The following TRHDE variants were observed in gnomAD, a reference collection of about 807,000 sequenced individuals.
TRHDE encodes thyrotropin-releasing hormone-degrading ectoenzyme.
Under a neutral mutation model 125.7 loss-of-function variants are expected in TRHDE, and 72 were observed. The ratio of observed to expected loss-of-function variants is 0.57; its 90% CI spans 0.47 to 0.70. The LOEUF is 0.70. TRHDE is among the 30% of genes least tolerant of loss of function. The pLI, the probability that TRHDE is intolerant of heterozygous loss-of-function variation, is 0.00. For synonymous variants in TRHDE, 509 were observed against 509.1 expected, an observed-to-expected ratio of 1.00 and a Z score of 0.00; for missense variants, 1,110 against 1,327.1, an observed-to-expected ratio of 0.84 and a Z score of 2.54.
intron 10 of TRHDE, among the ~76,000 whole-genome samples, chr12:72,573,220 A>C: frequency 6.6e-6 from 1 of 151,938 alleles, no homozygotes; most frequent in East Asian, 1.9e-4. Flanking sequence ...GACATTATTA[A>C]TTAAGATCTC....
intron 3 of TRHDE, among the ~76,000 whole-genome samples, chr12:72,403,782 G>A (rs548467298): frequency 1.3e-5 from 2 of 152,292 alleles, no homozygotes; most frequent in Admixed American, 6.5e-5. Context: ...CCTGACTTCT[G>A]TCTGAAGTGG....
At chr12:72,483,709 TCTGG>T (rs1360641705) in intron 5 of TRHDE, among the ~76,000 whole-genome samples, 2 of 151,954 alleles carry the variant, frequency 1.3e-5, no homozygotes, top group African/African-American at 4.8e-5. Context: ...CTCTATATGT[TCTGG>T]AGTTGTTTGC....
At chr12:72,316,339 T>C (rs1340723937) in intron 2 of TRHDE, among the ~76,000 whole-genome samples, 1 of 152,164 alleles carries the variant, frequency 6.6e-6, no homozygotes, top group African/African-American at 2.4e-5. Context: ...TGTAAACAGG[T>C]ATCACTAAGA....
At chr12:72,294,132 T>A (rs943168327) in intron 2 of TRHDE, among the ~76,000 whole-genome samples, 1 of 152,136 alleles carries the variant, frequency 6.6e-6, no homozygotes. Context: ...AGGTCTGGGC[T>A]CCCAGAAGGA....
At chr12:72,264,733 T>C (rs1355785122) in intron 2 of TRHDE, 3 of 151,948 alleles carry the variant, frequency 2.0e-5, no homozygotes, top group Non-Finnish European at 4.4e-5. Context: ...CCTATATATG[T>C]ATTGTTACTG....
intron 2 of TRHDE, among the ~76,000 whole-genome samples, chr12:72,305,974 T>C (rs946375457): frequency 1.3e-5 from 2 of 152,190 alleles, no homozygotes; most frequent in Admixed American, 1.3e-4. Context: ...GACACTCCAG[T>C]GGTACAGACA....
rs549947664 is a variant in TRHDE, at chr12:72,259,707, T to G, written n.280-118288T>G. ...CAGCATTAGGAAAGTGGACTCCCTG[T>G]GTGGAGCCAAGCATCTGATTCTACC... On this transcript the variant is annotated intron_variant and non_coding_transcript_variant, in intron 2 of 4. Transcript: ENST00000548156. Among the ~76,000 whole-genome samples, 8 of 152,304 alleles carry G rather than the reference T, an allele frequency of 5.3e-5. No homozygotes were observed. The South Asian group carries it at 1.4e-3, about 28-fold the overall frequency.
At chr12:72,277,496 C>T (rs1879530007) in intron 1 of TRHDE, among the ~76,000 whole-genome samples, 1 of 152,150 alleles carries the variant, frequency 6.6e-6, no homozygotes, top group African/African-American at 2.4e-5. Context: ...CTATAGAGGA[C>T]TGTGAACTGA....
chr12:72,590,156 A>ATT (rs147509061), intron 12 of TRHDE, among the ~76,000 whole-genome samples: 3 of 151,464 alleles, frequency 2.0e-5, no homozygotes, highest in Non-Finnish European at 3.0e-5. Context: ...ATATTACTTT[A>ATT]TTTTTTTTGT....
rs944649015 is a variant in TRHDE at position 72,644,009 on chromosome 12, A to G, written c.2676-8313A>G. Reference sequence around the variant, plus strand: ...TGGCAATGATACCCTCTTGAAGGGTATACAATGTTTGGTGTGGTGTCAGCA... The same window carrying G: ...TGGCAATGATACCCTCTTGAAGGGTGTACAATGTTTGGTGTGGTGTCAGCA... On this transcript the variant is annotated intron_variant, in intron 15 of 18. Coordinates refer to ENST00000261180, the MANE Select transcript of TRHDE (RefSeq NM_013381.3). 2.6e-5 allele frequency among the ~76,000 whole-genome samples: 4 copies of G among 152,222 alleles called. No homozygotes were observed. The East Asian group carries it at 7.7e-4, about 29-fold the overall frequency.
chr12:72,446,245 G>T (rs1287962588), intron 3 of TRHDE, among the ~76,000 whole-genome samples: 3 of 149,698 alleles, frequency 2.0e-5, no homozygotes, highest in African/African-American at 7.4e-5. Context: ...TTGGTGTGCT[G>T]CACCCATTAA....
At chr12:72,597,749 ATATATATATG>A (rs1237404534) in intron 12 of TRHDE, among the ~76,000 whole-genome samples, 279 of 10,022 alleles carry the variant, frequency 0.028, 23 homozygotes, top group East Asian at 0.13. Flanking sequence ...ATATATATAT[ATATATATATG>A]CATACACACA....
chr12:72,240,628 G>A (rs1436342430), intron 2 of TRHDE, among the ~76,000 whole-genome samples: 6 of 151,372 alleles, frequency 4.0e-5, no homozygotes, highest in Non-Finnish European at 8.8e-5. Flanking sequence ...GGAGTACAGT[G>A]GCGCGATCTC....
intron 6 of TRHDE, among the ~76,000 whole-genome samples, chr12:72,509,960 A>G (rs1878515267): frequency 6.6e-6 from 1 of 152,224 alleles, no homozygotes; most frequent in African/African-American, 2.4e-5. Flanking sequence ...GGAGTTTCCA[A>G]GGTAATTCCA....
chr12:72,591,627 T>A, intron 12 of TRHDE, among the ~76,000 whole-genome samples: 1 of 144,222 alleles, frequency 6.9e-6, no homozygotes, highest in South Asian at 2.1e-4. Context: ...TTTCTAAGGA[T>A]ATGGGTTTTT....
At chr12:72,197,211 C>T (rs1049397816) in intron 2 of TRHDE, among the ~76,000 whole-genome samples, 13 of 152,098 alleles carry the variant, frequency 8.5e-5, no homozygotes, top group Non-Finnish European at 1.9e-4. Flanking sequence ...TATACATGCT[C>T]ATGGCGTGTT....
At chr12:72,283,968 T>G (rs1462491902) in intron 1 of TRHDE, among the ~76,000 whole-genome samples, 1 of 92,114 alleles carries the variant, frequency 1.1e-5, no homozygotes, top group Non-Finnish European at 2.5e-5. Flanking sequence ...AATATGAAAT[T>G]GGTTATATCT....
intron 15 of TRHDE, among the ~76,000 whole-genome samples, chr12:72,645,089 A>AAAAT (rs1443383892): frequency 6.6e-6 from 1 of 152,198 alleles, no homozygotes; most frequent in African/African-American, 2.4e-5. Flanking sequence ...TAGTCAGAAA[A>AAAAT]AAATAAAAAT....
intron 15 of TRHDE, among the ~76,000 whole-genome samples, chr12:72,646,062 T>A (rs1362341934): frequency 6.6e-6 from 1 of 152,042 alleles, no homozygotes; most frequent in Non-Finnish European, 1.5e-5. Context: ...AACATATATA[T>A]AAATACAAAT....
Sources: allele counts gnomAD v4.1 joint callset (sites outside exome capture counted in the v4.1 genomes callset), GRCh38; gene constraint gnomAD v4.1.1; transcripts MANE v1.5; gene names NCBI Gene and HGNC (gene_info 2026-07-23, HGNC 2026-07-21).